Variants in SLC22A2 observed in about 807,000 individuals in gnomAD.
The protein encoded by SLC22A2 is solute carrier family 22 member 2.
Under a neutral mutation model 60.5 loss-of-function variants are expected in SLC22A2, and 46 were observed. That is an observed-to-expected ratio of 0.76 (90% CI 0.60 to 0.97). SLC22A2 has a LOEUF of 0.97. SLC22A2 is among the 50% of genes least tolerant of loss of function. The probability of loss-of-function intolerance (pLI) is 0.00; values close to 1 mark genes in which losing one functional copy is unlikely to be tolerated. For synonymous variants in SLC22A2, 303 were observed against 267.0 expected, an observed-to-expected ratio of 1.13 and a Z score of -1.31; for missense variants, 701 against 706.6, an observed-to-expected ratio of 0.99 and a Z score of 0.09.
Position 160,247,278 on chromosome 6 carries a change from C to T in SLC22A2, c.863G>A (p.Arg288Lys). Residue 288 changes from arginine (R) to lysine (K), a missense_variant, in exon 5 of 11, where the codon AGG becomes AAG. Arg to Lys is a conservative substitution (Grantham distance 26). Transcript: ENST00000366953. ...ATTCTTATTCTGGGAGATCAGCCAC[C>T]TGGGAGACTCAGGTATGCACCTAGG... Reference protein sequence around the residue: ...LYYWCIPESPRWLISQNKNAE... With the variant: ...LYYWCIPESPKWLISQNKNAE... 6.2e-7 allele frequency: 1 copy of T among 1,610,086 alleles called. No homozygotes were observed. The highest frequency in any genetic ancestry group is 8.5e-7 in the Non-Finnish European group (1 of 1,176,334).
intron 9 of SLC22A2, among the ~76,000 whole-genome samples, chr6:160,234,013 A>G (rs2114857559): frequency 6.6e-6 from 1 of 152,294 alleles, no homozygotes; most frequent in Non-Finnish European, 1.5e-5. Flanking sequence ...CTGAAGAATC[A>G]CAAAAGAATT....
intron 2 of SLC22A2, among the ~76,000 whole-genome samples, chr6:160,251,932 A>G (rs549452231): frequency 3.9e-5 from 6 of 152,340 alleles, no homozygotes; most frequent in South Asian, 2.1e-4. Flanking sequence ...AAATTTCTTA[A>G]GTCTTAAAAC....
intron 9 of SLC22A2, among the ~76,000 whole-genome samples, chr6:160,238,001 T>C (rs1019879421): frequency 6.6e-6 from 1 of 152,206 alleles, no homozygotes; most frequent in Non-Finnish European, 1.5e-5. Context: ...TCATAAATAA[T>C]CTACACTTTG....
At chr6:160,224,881 G>T (rs1782699146) in intron 9 of SLC22A2, 77 bp from the exon 10 acceptor site, 6 of 801,804 alleles carry the variant, frequency 7.5e-6, no homozygotes, top group South Asian at 5.0e-5. Flanking sequence ...CCTTATTTTT[G>T]TTTAAAACTT....
chr6:160,219,538 A>T (rs1373778380), intron 10 of SLC22A2, among the ~76,000 whole-genome samples: 1 of 151,754 alleles, frequency 6.6e-6, no homozygotes, highest in Non-Finnish European at 1.5e-5. Context: ...CAGGATTGAA[A>T]CTTTGGCTTT....
intron 9 of SLC22A2, among the ~76,000 whole-genome samples, chr6:160,226,784 GAT>G (rs1386454704): frequency 6.6e-6 from 1 of 152,054 alleles, no homozygotes; most frequent in Non-Finnish European, 1.5e-5. Flanking sequence ...ATCCCCAACT[GAT>G]TGAATTGAAC....
chr6:160,224,264 T>A (rs1443071761), intron 10 of SLC22A2, among the ~76,000 whole-genome samples: 1 of 150,546 alleles, frequency 6.6e-6, no homozygotes, highest in East Asian at 2.0e-4. Flanking sequence ...TATTTCCTTT[T>A]CATTGAATTA....
chr6:160,226,576 G>C (rs116501407), intron 9 of SLC22A2, among the ~76,000 whole-genome samples: 2 of 152,106 alleles, frequency 1.3e-5, no homozygotes, highest in African/African-American at 4.8e-5. Context: ...ATTTGTGTAC[G>C]TGATTTTCTT....
intron 2 of SLC22A2, among the ~76,000 whole-genome samples, chr6:160,253,917 A>G (rs1783227065): frequency 6.6e-6 from 1 of 152,182 alleles, no homozygotes; most frequent in Admixed American, 6.5e-5. Context: ...ATCAATAAAC[A>G]CTACAAACTG....
chr6:160,245,931 G>A (rs1024185886), intron 5 of SLC22A2, among the ~76,000 whole-genome samples: 3 of 142,822 alleles, frequency 2.1e-5, no homozygotes, highest in South Asian at 4.4e-4. Context: ...GCAGTGGCAC[G>A]ATCTTGGCTC....
intron 10 of SLC22A2, chr6:160,217,840 AT>A (rs1285992094): frequency 5.7e-6 from 1 of 176,228 alleles, no homozygotes; most frequent in Non-Finnish European, 1.2e-5. Context: ...AAATCTTGTT[AT>A]CATTAGTTAT....
intron 9 of SLC22A2, among the ~76,000 whole-genome samples, chr6:160,230,227 G>C (rs550997575): frequency 1.3e-5 from 2 of 151,568 alleles, no homozygotes; most frequent in Non-Finnish European, 2.9e-5. Context: ...CCTCACACCC[G>C]GTCTGGTTTA....
chr6:160,256,720 G>A lies in SLC22A2; in HGVS notation c.415-3C>T, dbSNP rs755882232. Reference sequence around the variant, plus strand: ...GAGTTGGCACATACCAGGTTAAACTGCCAGCAGGGGAGAAGTGTTCCAAGT... The same window carrying A: ...GAGTTGGCACATACCAGGTTAAACTACCAGCAGGGGAGAAGTGTTCCAAGT... On this transcript the variant is annotated splice_region_variant and splice_polypyrimidine_tract_variant and intron_variant, in intron 1 of 10. Transcript: ENST00000366953. The A allele has an allele frequency of 1.8e-5, 29 of 1,599,726 alleles. 1 individual carries two copies. The Middle Eastern group carries it at 5.0e-4, about 27-fold the overall frequency.
chr6:160,244,951 A>G (rs1783066483), intron 6 of SLC22A2: 1 of 152,266 alleles, frequency 6.6e-6, no homozygotes, highest in African/African-American at 2.4e-5. Context: ...TTCTCCAGGT[A>G]GAAAAGAAAA....
At chr6:160,247,803 AAGACT>A (rs2114867656) in intron 4 of SLC22A2, among the ~76,000 whole-genome samples, 1 of 152,328 alleles carries the variant, frequency 6.6e-6, no homozygotes, top group Non-Finnish European at 1.5e-5. Flanking sequence ...GTTTTTGAGC[AAGACT>A]AGAACTATTG....
At chr6:160,221,674 TTG>T (rs1251076873) in intron 10 of SLC22A2, among the ~76,000 whole-genome samples, 1 of 152,116 alleles carries the variant, frequency 6.6e-6, no homozygotes, top group African/African-American at 2.4e-5. Context: ...TTCAATATGG[TTG>T]TGTCTTGGGC....
intron 1 of SLC22A2, 21 bp downstream of exon 1, chr6:160,258,323 G>GCC (rs1783309323): frequency 1.3e-6 from 2 of 1,581,134 alleles, no homozygotes; most frequent in Non-Finnish European, 1.7e-6. Flanking sequence ...CTCCATCTGA[G>GCC]CCCTGAGCTC....
At position 160,217,195 on chromosome 6, in the gene SLC22A2, T is replaced by TG. The variant is rs1782553963; in HGVS notation, c.*236dup. The TG allele has an allele frequency of 5.3e-6, 2 of 374,556 alleles. No individual in the cohort carries two copies. Among genetic ancestry groups the TG allele is most frequent in the African/African-American group, 4.2e-5 (2 of 47,980 alleles). The allele number at this position is 374,556 out of a possible 1,614,324, so 23.2% of individuals were successfully genotyped here. On this transcript the variant is annotated 3_prime_UTR_variant, in exon 11 of 11. Transcript: ENST00000366953. ...GAAAAAAAACCCTCCAGAAAACCAA[T>TG]GTCCAATGTCCTAGGAATGCTGAGA...
At chr6:160,246,747 A>C (rs975517474) in intron 5 of SLC22A2, among the ~76,000 whole-genome samples, 2 of 148,552 alleles carry the variant, frequency 1.3e-5, no homozygotes, top group Non-Finnish European at 3.0e-5. Context: ...ACTCCATCTC[A>C]AAAAAAAAAG....
Sources: gnomAD v4.1 joint callset for allele counts (sites outside exome capture counted in the v4.1 genomes callset) on GRCh38, gnomAD v4.1.1 for gene constraint, MANE v1.5 for transcripts, NCBI Gene and HGNC (gene_info 2026-07-23, HGNC 2026-07-21) for gene names.